Variants in CFAP20DC observed in about 807,000 individuals in gnomAD.
CFAP20DC encodes protein CFAP20DC.
Under a neutral mutation model 101.7 loss-of-function variants are expected in CFAP20DC, and 84 were observed. The observed-to-expected ratio is 0.83, with a 90% confidence interval of 0.69 to 0.99. The LOEUF (loss-of-function observed/expected upper bound fraction) is 0.99, where lower values mean the gene tolerates loss of function less well. CFAP20DC is among the 50% of genes least tolerant of loss of function. The pLI, the probability that CFAP20DC is intolerant of heterozygous loss-of-function variation, is 0.00. For synonymous variants in CFAP20DC, 359 were observed against 351.2 expected (o/e 1.02, Z -0.25); for missense variants, 1,007 against 970.3 (o/e 1.04, Z -0.50).
chr3:59,038,352 G>A (rs1366506934), intron 4 of CFAP20DC, among the ~76,000 whole-genome samples: 1 of 152,140 alleles, frequency 6.6e-6, no homozygotes, highest in East Asian at 1.9e-4. Context: ...CATGAAGTTT[G>A]AAAATAGACC....
At chr3:59,037,486 T>C (rs2094125449) in intron 4 of CFAP20DC, among the ~76,000 whole-genome samples, 1 of 151,420 alleles carries the variant, frequency 6.6e-6, no homozygotes, top group East Asian at 1.9e-4. Flanking sequence ...GAACAGACAC[T>C]TCTCAAAAGA....
At chr3:58,733,994 A>G (rs1422079689) in intron 3 of CFAP20DC, among the ~76,000 whole-genome samples, 1 of 152,218 alleles carries the variant, frequency 6.6e-6, no homozygotes, top group African/African-American at 2.4e-5. Context: ...TTGAACTGTA[A>G]GCCCGTGTTG....
Position 58,869,538 on chromosome 3 carries a change from G to A in CFAP20DC, c.853-48C>T, listed in dbSNP as rs2079964198. On this transcript the variant is annotated intron_variant, in intron 8 of 16. Transcript: ENST00000482387. The surrounding 1 kb of genome is among the most constrained non-coding windows in gnomAD (Gnocchi z 4.3). ...ATTTTAAAATATAGCAACTACATTT[G>A]TTTTCTGTAGAAGCTATATAGAAAA... is the stretch of plus-strand genomic sequence containing the variant. 1.3e-5 allele frequency: 18 copies of A among 1,403,042 alleles called. No homozygotes were observed. The highest frequency in any genetic ancestry group is 1.5e-5 in the African/African-American group (1 of 68,730). The allele number at this position is 1,403,042 out of a possible 1,614,324, so 86.9% of individuals were successfully genotyped here. A position where few individuals can be genotyped will look rare whatever the true frequency, so the allele number is the denominator to read the frequency against.
At chr3:59,018,931 TAC>T (rs142103726) in intron 4 of CFAP20DC, 2,081 of 151,574 alleles carry the variant, frequency 0.014, 49 homozygotes, top group African/African-American at 0.047. Context: ...AAAATGTGTA[TAC>T]ACACACACAC....
At chr3:58,736,671 A>G (rs1182592183) in intron 3 of CFAP20DC, among the ~76,000 whole-genome samples, 2 of 152,190 alleles carry the variant, frequency 1.3e-5, no homozygotes, top group Admixed American at 6.5e-5. Context: ...TCCACCTGTT[A>G]AAATATTGAC....
At chr3:59,047,799 C>T (rs1328302799) in intron 1 of CFAP20DC, among the ~76,000 whole-genome samples, 1 of 152,118 alleles carries the variant, frequency 6.6e-6, no homozygotes, top group Admixed American at 6.5e-5. Flanking sequence ...AAACATTAAA[C>T]CTTGAGCATA....
chr3:58,934,188 C>T (rs1235759781), intron 5 of CFAP20DC, among the ~76,000 whole-genome samples: 1 of 152,178 alleles, frequency 6.6e-6, no homozygotes, highest in Non-Finnish European at 1.5e-5. Flanking sequence ...TGGATAAATT[C>T]CTCGACACAT....
intron 4 of CFAP20DC, among the ~76,000 whole-genome samples, chr3:58,989,927 T>G (rs1342833140): frequency 6.6e-6 from 1 of 152,144 alleles, no homozygotes; most frequent in African/African-American, 2.4e-5. Context: ...AAGGTGGTGG[T>G]CAAGAGTTTC....
chr3:58,814,612 T>C (rs1336484094), intron 14 of CFAP20DC, among the ~76,000 whole-genome samples: 3 of 151,154 alleles, frequency 2.0e-5, no homozygotes, highest in South Asian at 4.2e-4. Flanking sequence ...AAAACCCCAT[T>C]GTCTCAGCCC....
At position 58,742,517 on chromosome 3, in the gene CFAP20DC, G is replaced by A; in HGVS notation, c.2388C>T (p.Asp796=). The change falls in exon 17 of 17, where the codon GAC becomes GAT. Residue 796 remains aspartate, a synonymous_variant. Transcript: ENST00000482387. ...GGTCAAAGTAACAGTTCAGACAAGG[G>A]TCATACAACAAAGTCAGTACTTCCT... ...EDEEVLTLLY[D]PCLNCYFDPQ... is the part of the protein sequence containing the mutation. 6.2e-7 allele frequency: 1 copy of A among 1,609,144 alleles called. No homozygotes were observed. Among genetic ancestry groups the A allele is most frequent in the Non-Finnish European group, 8.5e-7 (1 of 1,177,674 alleles).
intron 4 of CFAP20DC, among the ~76,000 whole-genome samples, chr3:58,958,884 C>G (rs1028179180): frequency 1.3e-5 from 2 of 151,832 alleles, no homozygotes; most frequent in African/African-American, 2.4e-5. Context: ...ATATGATTTG[C>G]AAATATTTTC....
In CFAP20DC at chr3:59,001,168, G is replaced by T. The variant is rs1290917033; in HGVS notation, c.278+38389C>A. 6.6e-6 allele frequency among the ~76,000 whole-genome samples: 1 copy of T among 152,084 alleles called. No homozygotes were observed. The highest frequency in any genetic ancestry group is 2.4e-5 in the African/African-American group (1 of 41,396). On this transcript the variant is annotated intron_variant, in intron 4 of 16. Coordinates refer to ENST00000482387, the MANE Select transcript of CFAP20DC (RefSeq NM_001394063.1). This position sits in a 1 kb window ranked among gnomAD's most constrained non-coding sequence, Gnocchi z 4.5. ...AGAAAGAAAGGAAAGAGACCTAAGA[G>T]ATTTAAATCAATGGTAAAATAACAC...
At chr3:58,895,358 C>G (rs2082583912) in intron 6 of CFAP20DC, among the ~76,000 whole-genome samples, 1 of 152,192 alleles carries the variant, frequency 6.6e-6, no homozygotes, top group Non-Finnish European at 1.5e-5. Context: ...TTAGAAATTT[C>G]TTCCACCAGA....
At chr3:58,994,408 T>C (rs2093043916) in intron 4 of CFAP20DC, among the ~76,000 whole-genome samples, 1 of 152,216 alleles carries the variant, frequency 6.6e-6, no homozygotes, top group Non-Finnish European at 1.5e-5. Flanking sequence ...GTAAGAATTC[T>C]ATGAGGCAGA....
intron 13 of CFAP20DC, among the ~76,000 whole-genome samples, chr3:58,838,778 G>C (rs548964427): frequency 1.3e-5 from 2 of 152,206 alleles, no homozygotes; most frequent in Admixed American, 6.5e-5. Flanking sequence ...CAAATTTTAA[G>C]TTTCCCGCAC....
chr3:58,900,488 G>T (rs1463578936), intron 6 of CFAP20DC, among the ~76,000 whole-genome samples: 5 of 152,184 alleles, frequency 3.3e-5, no homozygotes, highest in African/African-American at 4.8e-5. Context: ...AGGGACCAGG[G>T]CCTGTCTGCA....
rs187477479 is a variant in CFAP20DC at position 58,851,713 on chromosome 3, C to T, written c.1594-2304G>A. 3.1e-3 allele frequency among the ~76,000 whole-genome samples: 477 copies of T among 152,138 alleles called. 3 individuals are homozygous for T. The highest frequency in any genetic ancestry group is 4.9e-3 in the Non-Finnish European group (331 of 68,004). ...ACTGAGGATCCTGGGAATATAACCA[C>T]GTCGATGTACTCTTTTTTTATATTA... On this transcript the variant is annotated intron_variant, in intron 12 of 16. Transcript: ENST00000482387.
intron 14 of CFAP20DC, among the ~76,000 whole-genome samples, chr3:58,817,236 TC>T (rs2075261422): frequency 6.6e-6 from 1 of 152,140 alleles, no homozygotes; most frequent in African/African-American, 2.4e-5. Flanking sequence ...AGAGCGCCTC[TC>T]TTCCTCCAAA....
At chr3:58,845,078 C>A (rs1245418337) in intron 13 of CFAP20DC, among the ~76,000 whole-genome samples, 8 of 144,744 alleles carry the variant, frequency 5.5e-5, no homozygotes, top group Non-Finnish European at 1.2e-4. Flanking sequence ...CCAAAATTGA[C>A]ACCCTAACAT....
Sources: gnomAD v4.1 joint callset for allele counts (sites outside exome capture counted in the v4.1 genomes callset) on GRCh38, gnomAD v4.1.1 for gene constraint, Gnocchi (gnomAD v3.1) non-coding constraint, MANE v1.5 for transcripts, NCBI Gene and HGNC (gene_info 2026-07-23, HGNC 2026-07-21) for gene names.